The following CHD6 variants were observed in gnomAD, a reference collection of about 807,000 sequenced individuals.
CHD6 encodes chromodomain helicase DNA binding protein 6, also known as ATP-dependent chromatin remodeler CHD6.
A neutral mutation model predicts 276.9 loss-of-function variants in CHD6; 50 were observed. That is an observed-to-expected ratio of 0.18 (90% CI 0.14 to 0.23). CHD6 has a LOEUF of 0.23. Among genes scored for constraint, CHD6 ranks in the 10% least tolerant of loss-of-function variants. The pLI, the probability that CHD6 is intolerant of heterozygous loss-of-function variation, is 1.00. For missense variants in CHD6, 2,564 were observed against 3,365.8 expected, an observed-to-expected ratio of 0.76 and a Z score of 5.89; for synonymous variants, 1,173 against 1,229.3, an observed-to-expected ratio of 0.95 and a Z score of 0.96.
intron 2 of CHD6, among the ~76,000 whole-genome samples, chr20:41,548,846 A>G (rs946152760): frequency 9.9e-5 from 15 of 152,218 alleles, no homozygotes; most frequent in African/African-American, 3.4e-4. Flanking sequence ...ATGAACAGAC[A>G]CTTCTCAAAA....
chr20:41,470,955 A>G (rs2043038942), intron 17 of CHD6, among the ~76,000 whole-genome samples: 1 of 152,190 alleles, frequency 6.6e-6, no homozygotes, highest in South Asian at 2.1e-4. Flanking sequence ...CTGGCCATTC[A>G]ACTTTGGTTT....
chr20:41,573,496 G>A (rs1369727688), intron 1 of CHD6, among the ~76,000 whole-genome samples: 1 of 152,092 alleles, frequency 6.6e-6, no homozygotes, highest in Non-Finnish European at 1.5e-5. Flanking sequence ...GCAGATTATT[G>A]TGATTAAACC....
chr20:41,506,231 T>C (rs1292633944), intron 5 of CHD6, among the ~76,000 whole-genome samples: 1 of 152,220 alleles, frequency 6.6e-6, no homozygotes, highest in Non-Finnish European at 1.5e-5. Context: ...AGAATGACCC[T>C]TTTTATTATG....
chr20:41,533,464 T>C lies in CHD6; in HGVS notation c.140A>G (p.Lys47Arg). 1 of 1,614,196 alleles carries C rather than the reference T, an allele frequency of 6.2e-7. No individual in the cohort carries two copies. Among genetic ancestry groups the C allele is most frequent in the Non-Finnish European group, 8.5e-7 (1 of 1,180,026 alleles). ...PFDCSTDQEE[K>R]IEDVASHCLP... is the part of the protein sequence containing the mutation. ...ACAGTGACTAGCAACATCTTCAATT[T>C]TCTCTTCTTGATCAGTGCTGCAGTC... The change falls in exon 3 of 37, where the codon AAA (lysine) becomes AGA (arginine). Residue 47 changes from lysine (K) to arginine (R), a missense_variant. Lys to Arg is a conservative substitution (Grantham distance 26, BLOSUM62 2). Coordinates refer to ENST00000373233, the MANE Select transcript of CHD6 (RefSeq NM_032221.5).
chr20:41,430,769 T>C (rs1402526139), intron 27 of CHD6, among the ~76,000 whole-genome samples: 1 of 152,214 alleles, frequency 6.6e-6, no homozygotes, highest in Non-Finnish European at 1.5e-5. Context: ...TCTTTGGTAC[T>C]TGAGTTGTTT....
chr20:41,597,178 G>C (rs980794255), intron 1 of CHD6, among the ~76,000 whole-genome samples: 1 of 152,042 alleles, frequency 6.6e-6, no homozygotes, highest in Non-Finnish European at 1.5e-5. Flanking sequence ...TCCCACTTAC[G>C]GCCTTTGAAG....
intron 16 of CHD6, among the ~76,000 whole-genome samples, chr20:41,481,190 A>G (rs2043287821): frequency 6.6e-6 from 1 of 151,872 alleles, no homozygotes; most frequent in African/African-American, 2.4e-5. Context: ...AAGCCTTTTA[A>G]AGCACATTAA....
In CHD6 at chr20:41,404,624, GC is replaced by G; in HGVS notation, c.8116del (p.Ala2706HisfsTer16). The G allele has an allele frequency of 6.7e-7, 1 of 1,500,300 alleles. No homozygotes were observed. The highest frequency in any genetic ancestry group is 8.9e-7 in the Non-Finnish European group (1 of 1,124,118). The allele number at this position is 1,500,300 out of a possible 1,614,324, so 92.9% of individuals were successfully genotyped here. A position where few individuals can be genotyped will look rare whatever the true frequency, so the allele number is the denominator to read the frequency against. The stretch of plus-strand genomic sequence containing the variant: ...GGTGTCGTTGTTGGAGTCTTTGAGT[GC>G]CCCCTCCCCAGCCTGTGCCCCATGT... ...REHGAQAGEG[A>X]LKDSNNDTN On this transcript the variant is annotated frameshift_variant, in exon 37 of 37. Coordinates refer to ENST00000373233, the MANE Select transcript of CHD6 (RefSeq NM_032221.5). LOFTEE classifies it high-confidence loss of function.
intron 12 of CHD6, 42 bp downstream of exon 12, chr20:41,489,736 G>T (rs753631176): frequency 6.2e-7 from 1 of 1,612,140 alleles, no homozygotes; most frequent in Non-Finnish European, 8.5e-7. Flanking sequence ...GCTGTTCTGA[G>T]CTTAGGCAGT....
At position 41,445,683 on chromosome 20, in the gene CHD6, T is replaced by C; in HGVS notation, c.3859A>G (p.Ile1287Val). 2 of 1,612,776 alleles carry C rather than the reference T, an allele frequency of 1.2e-6. No homozygotes were observed. Among genetic ancestry groups the C allele is most frequent in the Non-Finnish European group, 1.7e-6 (2 of 1,178,824 alleles). The change falls in exon 25 of 37, where the codon ATT becomes GTT. Residue 1287 changes from isoleucine (I) to valine (V), a missense_variant. Coordinates refer to ENST00000373233, the MANE Select transcript of CHD6 (RefSeq NM_032221.5). Reference protein sequence around the residue: ...WDAEADKSLLIGVFKHGYERY... With the variant: ...WDAEADKSLLVGVFKHGYERY... ...TACACACCATGCTTGAACACGCCAA[T>C]GAGAAGTGACTTATCGGCTTCAGCA...
chr20:41,572,184 A>G (rs1186043111), intron 1 of CHD6, among the ~76,000 whole-genome samples: 1 of 152,226 alleles, frequency 6.6e-6, no homozygotes, highest in Non-Finnish European at 1.5e-5. Flanking sequence ...AGAGCACATG[A>G]TGCTAAACCT....
chr20:41,438,461 G>A (rs2047788635), intron 26 of CHD6, among the ~76,000 whole-genome samples: 1 of 151,934 alleles, frequency 6.6e-6, no homozygotes. Context: ...GTGGTGGTGG[G>A]TGCCTGTAAT....
At chr20:41,610,491 G>C (rs939621216) in intron 1 of CHD6, among the ~76,000 whole-genome samples, 1 of 152,116 alleles carries the variant, frequency 6.6e-6, no homozygotes, top group African/African-American at 2.4e-5. Flanking sequence ...GCCGGGTGCG[G>C]TAGCTCACGC....
intron 34 of CHD6, 40 bp from the exon 35 acceptor site, chr20:41,413,555 A>G: frequency 1.4e-6 from 2 of 1,411,266 alleles, no homozygotes; most frequent in Non-Finnish European, 1.9e-6. Context: ...TCACGACACA[A>G]TGAAAATTAG....
At chr20:41,588,232 G>A (rs937554345) in intron 1 of CHD6, among the ~76,000 whole-genome samples, 5 of 152,072 alleles carry the variant, frequency 3.3e-5, no homozygotes, top group African/African-American at 7.2e-5. Context: ...CCACAATAAC[G>A]CTGAACAACA....
intron 36 of CHD6, among the ~76,000 whole-genome samples, chr20:41,407,211 C>A (rs2046704294): frequency 6.6e-6 from 1 of 152,212 alleles, no homozygotes; most frequent in African/African-American, 2.4e-5. Context: ...GGAATACCTT[C>A]CCTTCCACTA....
chr20:41,603,987 C>A (rs1339371789), intron 1 of CHD6, among the ~76,000 whole-genome samples: 1 of 129,564 alleles, frequency 7.7e-6, no homozygotes, highest in Admixed American at 1.0e-4. Context: ...TTCCTGTGTG[C>A]ATGTGTGCGC....
chr20:41,572,744 C>T (rs1273215158), intron 1 of CHD6, among the ~76,000 whole-genome samples: 3 of 152,172 alleles, frequency 2.0e-5, no homozygotes, highest in African/African-American at 4.8e-5. Flanking sequence ...AACTCCTCTG[C>T]CACCCAATGG....
At chr20:41,506,408 G>A (rs1192005246) in intron 5 of CHD6, among the ~76,000 whole-genome samples, 1 of 151,942 alleles carries the variant, frequency 6.6e-6, no homozygotes. Context: ...CTCTACCTCA[G>A]GACTTTGTAT....
Sources: gnomAD v4.1 joint callset for allele counts (sites outside exome capture counted in the v4.1 genomes callset) on GRCh38, gnomAD v4.1.1 for gene constraint, MANE v1.5 for transcripts, NCBI Gene and HGNC (gene_info 2026-07-23, HGNC 2026-07-21) for gene names.